CNTRL: variants seen among roughly 807,000 people sequenced by gnomAD.
The protein encoded by CNTRL is 110 kDa centrosomal protein.
CNTRL carries 233 observed loss-of-function variants against 303.7 expected under a neutral mutation model. The ratio of observed to expected loss-of-function variants is 0.77; its 90% CI spans 0.69 to 0.86. The LOEUF (loss-of-function observed/expected upper bound fraction) is 0.86, where lower values mean the gene tolerates loss of function less well. Among genes scored for constraint, CNTRL ranks in the 40% least tolerant of loss-of-function variants. The probability of loss-of-function intolerance (pLI) is 0.00; values close to 1 mark genes in which losing one functional copy is unlikely to be tolerated. For synonymous variants in CNTRL, 900 were observed against 922.2 expected, an observed-to-expected ratio of 0.98 and a Z score of 0.44; for missense variants, 2,524 against 2,650.6, an observed-to-expected ratio of 0.95 and a Z score of 1.05.
intron 3 of CNTRL, 70 bp downstream of exon 3, chr9:121,088,613 C>T: frequency 1.1e-6 from 1 of 905,020 alleles, no homozygotes; most frequent in East Asian, 2.5e-5. Context: ...TTTCGGCTTG[C>T]ATTTTTGGTC....
intron 4 of CNTRL, among the ~76,000 whole-genome samples, chr9:121,091,945 C>T (rs2048593936): frequency 7.3e-6 from 1 of 136,584 alleles, no homozygotes; most frequent in Non-Finnish European, 1.5e-5. Flanking sequence ...CCGATGCCCT[C>T]TCTTACCACC....
chr9:121,125,640 G>T, intron 13 of CNTRL, 76 bp from the exon 14 acceptor site: 1 of 1,267,312 alleles, frequency 7.9e-7, no homozygotes, highest in African/African-American at 1.5e-5. Flanking sequence ...TTCACTCTTG[G>T]CTTATAACAA....
At chr9:121,174,051 ATC>A (rs2053424421) in intron 42 of CNTRL, among the ~76,000 whole-genome samples, 1 of 152,038 alleles carries the variant, frequency 6.6e-6, no homozygotes, top group Non-Finnish European at 1.5e-5. Context: ...CTGTAAGGTT[ATC>A]ATAGGCCAGT....
intron 37 of CNTRL, 95 bp from the exon 38 acceptor site, chr9:121,168,001 A>G: frequency 9.4e-7 from 1 of 1,067,700 alleles, no homozygotes; most frequent in Non-Finnish European, 1.3e-6. Context: ...GCTGTCTTCT[A>G]CTTTCTTTTG....
chr9:121,153,409 C>T (rs912359533), intron 26 of CNTRL, among the ~76,000 whole-genome samples: 7 of 152,216 alleles, frequency 4.6e-5, no homozygotes, highest in African/African-American at 1.7e-4. Flanking sequence ...GCCTCTACAC[C>T]TTTGCATGTA....
rs926206710 is a variant in CNTRL at position 121,122,384 on chromosome 9, T to C, written c.1651-1547T>C. The C allele has an allele frequency of 2.9e-5, 29 of 985,158 alleles. No homozygotes were observed. In the South Asian group the frequency reaches 3.3e-4, roughly 11 times the overall value. The allele number at this position is 985,158 out of a possible 1,614,324, so 61.0% of individuals were successfully genotyped here. On this transcript the variant is annotated intron_variant, in intron 12 of 43. Transcript: ENST00000373855. ...ACCTTCCAGTTAAGCTGCCACTCTT[T>C]TGTTCATCAGAAATGAAGAGACGTT... is the stretch of plus-strand genomic sequence containing the variant.
intron 7 of CNTRL, among the ~76,000 whole-genome samples, 182 bp from the exon 8 acceptor site, chr9:121,107,613 ATGATGCC>A (rs776853842): frequency 6.6e-6 from 1 of 152,224 alleles, no homozygotes; most frequent in Non-Finnish European, 1.5e-5. Flanking sequence ...TATCATTGAA[ATGATGCC>A]TTCTTGCCTC....
intron 42 of CNTRL, among the ~76,000 whole-genome samples, chr9:121,174,246 T>G (rs1386944963): frequency 6.6e-6 from 1 of 152,098 alleles, no homozygotes; most frequent in African/African-American, 2.4e-5. Flanking sequence ...ATTTGAGAGT[T>G]AAGAGTATAG....
intron 15 of CNTRL, 107 bp from the exon 16 acceptor site, chr9:121,138,438 C>G (rs562724289): frequency 5.2e-6 from 6 of 1,160,680 alleles, no homozygotes; most frequent in Non-Finnish European, 7.2e-6. Context: ...AGTTGTAAAA[C>G]TATAGCTAGC....
chr9:121,121,941 TTTAAG>T (rs2050251938), intron 12 of CNTRL: 4 of 985,034 alleles, frequency 4.1e-6, no homozygotes, highest in African/African-American at 1.7e-5. Context: ...CAGGATAAAT[TTTAAG>T]TTAAGGTATG....
chr9:121,100,034 A>T (rs1012120812), intron 7 of CNTRL, among the ~76,000 whole-genome samples: 11 of 152,210 alleles, frequency 7.2e-5, no homozygotes, highest in Admixed American at 3.9e-4. Flanking sequence ...GCAGGCCAAC[A>T]TTCAAATTCA....
intron 34 of CNTRL, 43 bp downstream of exon 34, chr9:121,162,314 G>C: frequency 2.0e-6 from 3 of 1,526,610 alleles, no homozygotes; most frequent in Non-Finnish European, 2.7e-6. Context: ...ACTTCTTCAG[G>C]CCAAAGCATT....
At chr9:121,114,179 C>T (rs558045979) in intron 10 of CNTRL, among the ~76,000 whole-genome samples, 1 of 152,346 alleles carries the variant, frequency 6.6e-6, no homozygotes, top group African/African-American at 2.4e-5. Flanking sequence ...CCCCATGCCC[C>T]ACAATCTAAT....
intron 32 of CNTRL, among the ~76,000 whole-genome samples, chr9:121,160,834 C>T (rs1330309168): frequency 3.3e-5 from 5 of 151,990 alleles, no homozygotes; most frequent in Non-Finnish European, 5.9e-5. Flanking sequence ...CAAAAATTAG[C>T]GATGCACATT....
intron 43 of CNTRL, 176 bp downstream of exon 43, chr9:121,175,400 G>A: frequency 1.6e-6 from 1 of 643,756 alleles, no homozygotes; most frequent in South Asian, 1.6e-5. Context: ...CCATGTAGCT[G>A]GGACTACAGG....
rs747332739 is a variant in CNTRL at position 121,096,407 on chromosome 9, T to G, written c.480-15T>G. 2.7e-6 allele frequency: 4 copies of G among 1,487,620 alleles called. No individual in the cohort carries two copies. The highest frequency in any genetic ancestry group is 3.6e-6 in the Non-Finnish European group (4 of 1,109,328). The allele number at this position is 1,487,620 out of a possible 1,614,324, so 92.2% of individuals were successfully genotyped here. A position where few individuals can be genotyped will look rare whatever the true frequency, so the allele number is the denominator to read the frequency against. On this transcript the variant is annotated splice_polypyrimidine_tract_variant and intron_variant, in intron 5 of 43. Transcript: ENST00000373855. ...ATTGTACTCACTAAATTTTATTTTA[T>G]CCTTTGCTTTCCAGCAAAATTGAAG...
chr9:121,077,923 G>A (rs1277684002), intron 1 of CNTRL, among the ~76,000 whole-genome samples: 1 of 152,172 alleles, frequency 6.6e-6, no homozygotes, highest in Non-Finnish European at 1.5e-5. Context: ...TCCAGCCTGG[G>A]TGACAGAGAA....
chr9:121,084,734 C>A (rs202069495), intron 2 of CNTRL, among the ~76,000 whole-genome samples: 1 of 151,958 alleles, frequency 6.6e-6, no homozygotes, highest in African/African-American at 2.4e-5. Context: ...TTAGTAGAGA[C>A]GGGGTTTCAC....
chr9:121,096,981 T>G (rs78144461), intron 6 of CNTRL, among the ~76,000 whole-genome samples: 1 of 151,800 alleles, frequency 6.6e-6, no homozygotes, highest in Non-Finnish European at 1.5e-5. Context: ...TTTTTTTTTT[T>G]GACAGTATTA....
Sources: gnomAD v4.1 joint callset for allele counts (sites outside exome capture counted in the v4.1 genomes callset) on GRCh38, gnomAD v4.1.1 for gene constraint, MANE v1.5 for transcripts, NCBI Gene and HGNC (gene_info 2026-07-23, HGNC 2026-07-21) for gene names.